Variants in VPS37B observed in about 807,000 individuals in gnomAD.
VPS37B encodes the protein VPS37B subunit of ESCRT-I, also known as vacuolar protein sorting-associated protein 37B.
A neutral mutation model predicts 21.2 loss-of-function variants in VPS37B; 11 were observed. That is an observed-to-expected ratio of 0.52 (90% CI 0.33 to 0.86). VPS37B has a LOEUF of 0.86. Ranked by LOEUF, VPS37B falls within the 40% of genes least tolerant of loss-of-function variation. VPS37B has a pLI of 0.03. For missense variants in VPS37B, 389 were observed against 374.8 expected (o/e 1.04, Z -0.31); for synonymous variants, 175 against 159.6 (o/e 1.10, Z -0.73).
At position 122,871,792 on chromosome 12, in the gene VPS37B, G is replaced by A. The variant is rs1178633018; in HGVS notation, c.112-731C>T. 3.1e-6 allele frequency: 3 copies of A among 964,122 alleles called. No individual in the cohort carries two copies. The Middle Eastern group carries it at 1.6e-3, about 509-fold the overall frequency. 59.7% of individuals were successfully genotyped at this position (964,122 alleles called of 1,614,324 possible). A position where few individuals can be genotyped will look rare whatever the true frequency, so the allele number is the denominator to read the frequency against. ...CCCAGAACTTAGGGGAGAACGACAG[G>A]AGTAGAAGGTCTGAGAAAAAAAGGC... On this transcript the variant is annotated intron_variant, in intron 1 of 3. Coordinates refer to ENST00000267202, the MANE Select transcript of VPS37B (RefSeq NM_024667.3).
At position 122,868,340 on chromosome 12, in the gene VPS37B, T is replaced by C. The variant is rs2033951528; in HGVS notation, c.366+140A>G. 8 of 751,452 alleles carry C rather than the reference T, an allele frequency of 1.1e-5. No individual in the cohort carries two copies. The highest frequency in any genetic ancestry group is 1.8e-5 in the Non-Finnish European group (8 of 450,944). 46.5% of individuals were successfully genotyped at this position (751,452 alleles called of 1,614,324 possible). A position where few individuals can be genotyped will look rare whatever the true frequency, so the allele number is the denominator to read the frequency against. ...ACTTTCCCCAGCACACAGGCCAGGC[T>C]GCCTGCTGGTATACAGCCCGTACAC... On this transcript the variant is annotated intron_variant, in intron 3 of 3. Transcript: ENST00000267202. This position sits in a 1 kb window ranked among gnomAD's most constrained non-coding sequence, Gnocchi z 5.5.
intron 1 of VPS37B, chr12:122,886,400 G>C (rs924989020): frequency 4.6e-5 from 7 of 152,190 alleles, no homozygotes; most frequent in African/African-American, 1.7e-4. Flanking sequence ...CAGAAGGATT[G>C]CTTGAGCTCA....
chr12:122,892,610 T>C (rs1363226597), intron 1 of VPS37B, among the ~76,000 whole-genome samples: 2 of 152,184 alleles, frequency 1.3e-5, no homozygotes, highest in Non-Finnish European at 2.9e-5. Flanking sequence ...TACATAATCA[T>C]TTTGACCACA....
chr12:122,869,387 A>T (rs1020182622), intron 2 of VPS37B, among the ~76,000 whole-genome samples: 2 of 152,216 alleles, frequency 1.3e-5, no homozygotes, highest in Non-Finnish European at 2.9e-5. Context: ...TGAGAAAAGG[A>T]GGTGGCTGTG....
At position 122,896,108 on chromosome 12, in the gene VPS37B, C is replaced by G; in HGVS notation, c.-46G>C. 6.8e-7 allele frequency: 1 copy of G among 1,472,666 alleles called. No individual in the cohort carries two copies. Among genetic ancestry groups the G allele is most frequent in the Non-Finnish European group, 8.9e-7 (1 of 1,117,614 alleles). 91.2% of individuals were successfully genotyped at this position (1,472,666 alleles called of 1,614,324 possible). A position where few individuals can be genotyped will look rare whatever the true frequency, so the allele number is the denominator to read the frequency against. ...CGCCACCGCCGCTGCGGCCACCAGG[C>G]TCCGCCGACCGGAAGCGCCGCCCTC... On this transcript the variant is annotated 5_prime_UTR_variant, in exon 1 of 4. Transcript: ENST00000267202.
At chr12:122,892,422 A>T (rs2034427370) in intron 1 of VPS37B, among the ~76,000 whole-genome samples, 1 of 152,020 alleles carries the variant, frequency 6.6e-6, no homozygotes, top group Admixed American at 6.6e-5. Flanking sequence ...AAACCTAGCC[A>T]CATTTTCCAG....
intron 1 of VPS37B, chr12:122,872,130 C>T (rs1479361290): frequency 1.0e-6 from 1 of 985,426 alleles, no homozygotes. Context: ...GTATAGATTC[C>T]TGGCCATGCT....
intron 1 of VPS37B, chr12:122,882,600 A>G (rs186681899): frequency 6.6e-6 from 1 of 152,366 alleles, no homozygotes; most frequent in East Asian, 1.9e-4. Context: ...CTTATGGGTT[A>G]GGTTTGATAA....
At chr12:122,885,087 T>C (rs573098802) in intron 1 of VPS37B, 1 of 152,102 alleles carries the variant, frequency 6.6e-6, no homozygotes, top group South Asian at 2.1e-4. Context: ...GCTATTCTAA[T>C]AATGGAATTT....
At position 122,867,218 on chromosome 12, in the gene VPS37B, C is replaced by G; in HGVS notation, c.756G>C (p.Gln252His). 1 of 1,574,942 alleles carries G rather than the reference C, an allele frequency of 6.3e-7. No homozygotes were observed. Among genetic ancestry groups the G allele is most frequent in the Non-Finnish European group, 8.6e-7 (1 of 1,163,846 alleles). The change falls in exon 4 of 4, where the codon CAG becomes CAC. Residue 252 changes from glutamine to histidine, a missense_variant. By Grantham distance (24) the Gln-to-His change is conservative (BLOSUM62 0). Transcript: ENST00000267202. This position sits in a 1 kb window ranked among gnomAD's most constrained non-coding sequence, Gnocchi z 5.5. ...ACACGAACTGCGAAGAGAATCCTTG[C>G]TGAGTGGGGAGGCCCACGCGGGGGG... ...PLPPRVGLPT[Q>H]QGFSSQFVSP...
At chr12:122,895,885 C>G in intron 1 of VPS37B, 67 bp downstream of exon 1, 1 of 1,480,730 alleles carries the variant, frequency 6.8e-7, no homozygotes, top group Non-Finnish European at 9.4e-7. Context: ...CCGCCTCCGG[C>G]CACCGTTCGA....
chr12:122,882,471 AAAATT>A (rs1346380634), intron 1 of VPS37B: 1 of 152,208 alleles, frequency 6.6e-6, no homozygotes, highest in African/African-American at 2.4e-5. Context: ...CTCTCCAGAT[AAAATT>A]AAATTCAAAG....
In VPS37B at chr12:122,868,224, C is replaced by T. The variant is rs762210647; in HGVS notation, c.366+256G>A. 1.3e-5 allele frequency among the ~76,000 whole-genome samples: 2 copies of T among 152,226 alleles called. No individual in the cohort carries two copies. The highest frequency in any genetic ancestry group is 6.5e-5 in the Admixed American group (1 of 15,292). On this transcript the variant is annotated intron_variant, in intron 3 of 3. Coordinates refer to ENST00000267202, the MANE Select transcript of VPS37B (RefSeq NM_024667.3). This position sits in a 1 kb window ranked among gnomAD's most constrained non-coding sequence, Gnocchi z 5.5. ...GTAATCCGCCACTGGCCCCAGGGGCCGGCGTTCACAGGGTGGCACGCATGC... is the reference window on the plus strand; with the variant it reads ...GTAATCCGCCACTGGCCCCAGGGGCTGGCGTTCACAGGGTGGCACGCATGC...
In VPS37B at chr12:122,876,550, A is replaced by G. The variant is rs1266912486; in HGVS notation, c.112-5489T>C. 2.6e-5 allele frequency: 4 copies of G among 152,240 alleles called. No homozygotes were observed. In the East Asian group the frequency reaches 7.7e-4, roughly 29 times the overall value. 9.4% of individuals were successfully genotyped at this position (152,240 alleles called of 1,614,324 possible). On this transcript the variant is annotated intron_variant, in intron 1 of 3. Transcript: ENST00000267202. ...AATGATGAAGCCCCACCTCTACTAA[A>G]AATACAAAAAAATTAGCCAGCTGTG...
chr12:122,870,764 T>C (rs923893862), intron 2 of VPS37B, 126 bp downstream of exon 2: 15 of 918,368 alleles, frequency 1.6e-5, no homozygotes, highest in South Asian at 6.7e-5. Context: ...TATTTGTTCA[T>C]TGCAGTAGAG....
intron 1 of VPS37B, among the ~76,000 whole-genome samples, chr12:122,893,958 ATTCT>A (rs1252868065): frequency 6.6e-6 from 1 of 152,118 alleles, no homozygotes; most frequent in African/African-American, 2.4e-5. Context: ...AATGAACTTG[ATTCT>A]TTCCACAAGC....
Position 122,870,776 on chromosome 12 carries a change from C to T in VPS37B, c.283+114G>A, listed in dbSNP as rs1053631908. On this transcript the variant is annotated intron_variant, in intron 2 of 3. Coordinates refer to ENST00000267202, the MANE Select transcript of VPS37B (RefSeq NM_024667.3). ...AGCTATTTGTTCATTGCAGTAGAGT[C>T]GCTATCTTAACCTGAAATTTTTCCG... 2.5e-5 allele frequency: 27 copies of T among 1,059,192 alleles called. 1 individual carries two copies. The South Asian group carries it at 3.3e-4, about 13-fold the overall frequency. 65.6% of individuals were successfully genotyped at this position (1,059,192 alleles called of 1,614,324 possible).
chr12:122,867,965 G>T lies in VPS37B; in HGVS notation c.367-358C>A, dbSNP rs540609772. 2.2e-4 allele frequency among the ~76,000 whole-genome samples: 33 copies of T among 152,318 alleles called. 1 individual carries two copies. The highest frequency in any genetic ancestry group is 7.9e-4 in the African/African-American group (33 of 41,560). On this transcript the variant is annotated intron_variant, in intron 3 of 3. Coordinates refer to ENST00000267202, the MANE Select transcript of VPS37B (RefSeq NM_024667.3). The surrounding 1 kb of genome is among the most constrained non-coding windows in gnomAD (Gnocchi z 5.5). ...CGGCTGCACCCTGACTGACAGACTC[G>T]CCCTGGGTGGGTAAGCAAGACAGAA...
intron 1 of VPS37B, chr12:122,882,162 T>C (rs2034255886): frequency 6.6e-6 from 1 of 152,198 alleles, no homozygotes; most frequent in Non-Finnish European, 1.5e-5. Context: ...ACAGTTTATA[T>C]AGGAAAAGCT....
Sources: gnomAD v4.1 joint callset for allele counts (sites outside exome capture counted in the v4.1 genomes callset) on GRCh38, gnomAD v4.1.1 for gene constraint, Gnocchi (gnomAD v3.1) non-coding constraint, MANE v1.5 for transcripts, NCBI Gene and HGNC (gene_info 2026-07-23, HGNC 2026-07-21) for gene names.